The following DCBLD1 variants were observed in gnomAD, a reference collection of about 807,000 sequenced individuals.
The protein encoded by DCBLD1 is discoidin, CUB and LCCL domain containing 1, also known as discoidin, CUB and LCCL domain-containing protein 1.
In DCBLD1, 57 loss-of-function variants were observed where a neutral mutation model predicts 71.5. The observed-to-expected ratio is 0.80, with a 90% CI of 0.64 to 0.99. The LOEUF (loss-of-function observed/expected upper bound fraction) is 0.99, where lower values mean the gene tolerates loss of function less well. Ranked by LOEUF, DCBLD1 falls within the 50% of genes least tolerant of loss-of-function variation. DCBLD1 has a pLI of 0.00. For missense variants in DCBLD1, 891 were observed against 923.5 expected (o/e 0.96, Z 0.46); for synonymous variants, 380 against 363.8 (o/e 1.04, Z -0.51).
downstream of DCBLD1, among the ~76,000 whole-genome samples, chr6:117,550,645 T>A (rs1163032038): frequency 1.3e-5 from 2 of 152,178 alleles, no homozygotes. Context: ...TGTGAGAGAT[T>A]GTTTTGTGTT....
At chr6:117,534,653 G>A (rs1284923665) in intron 6 of DCBLD1, among the ~76,000 whole-genome samples, 2 of 151,924 alleles carry the variant, frequency 1.3e-5, no homozygotes, top group Non-Finnish European at 2.9e-5. Context: ...TCTTACTTTT[G>A]AACAAACATT....
At chr6:117,519,249 A>C (rs1028145039) in intron 2 of DCBLD1, among the ~76,000 whole-genome samples, 4 of 152,170 alleles carry the variant, frequency 2.6e-5, no homozygotes, top group Admixed American at 1.3e-4. Flanking sequence ...TTTGTACTAT[A>C]ATATTTCAAA....
chr6:117,521,252 A>G (rs141570347), intron 3 of DCBLD1, among the ~76,000 whole-genome samples: 1 of 152,258 alleles, frequency 6.6e-6, no homozygotes, highest in Admixed American at 6.5e-5. Context: ...ACTAAAGAGT[A>G]TTGTTTTTTT....
intron 14 of DCBLD1, among the ~76,000 whole-genome samples, chr6:117,568,226 G>A (rs539610383): frequency 2.6e-5 from 4 of 151,888 alleles, no homozygotes; most frequent in South Asian, 2.1e-4. Flanking sequence ...GTTACAGATC[G>A]TTTTATGTTA....
chr6:117,540,874 T>C (rs1194485534), intron 10 of DCBLD1, 44 bp from the exon 11 acceptor site: 1 of 1,613,890 alleles, frequency 6.2e-7, no homozygotes, highest in African/African-American at 1.3e-5. Context: ...TTTTCGCCTA[T>C]CATTGTTACT....
Position 117,548,861 on chromosome 6 carries a change from G to C in DCBLD1, c.*422G>C. On this transcript the variant is annotated 3_prime_UTR_variant, in exon 15 of 15. Coordinates refer to ENST00000338728, the MANE Select transcript of DCBLD1 (RefSeq NM_001366458.2). ...AGCTGTTGCAAAATGTATATAAATA[G>C]TATGTTCATTTTTTTCAGTATATTA... 4 of 1,023,226 alleles carry C rather than the reference G, an allele frequency of 3.9e-6. No homozygotes were observed. The highest frequency in any genetic ancestry group is 4.7e-6 in the Non-Finnish European group (4 of 853,332). 63.4% of individuals were successfully genotyped at this position (1,023,226 alleles called of 1,614,324 possible). A position where few individuals can be genotyped will look rare whatever the true frequency, so the allele number is the denominator to read the frequency against.
chr6:117,518,923 C>T (rs1778295525), intron 2 of DCBLD1, among the ~76,000 whole-genome samples: 1 of 152,132 alleles, frequency 6.6e-6, no homozygotes, highest in South Asian at 2.1e-4. Context: ...TTGGAGCAGT[C>T]TTTTTCTTTT....
intron 2 of DCBLD1, among the ~76,000 whole-genome samples, chr6:117,505,267 A>G (rs767891413): frequency 4.6e-5 from 7 of 152,152 alleles, no homozygotes; most frequent in Admixed American, 3.3e-4. Flanking sequence ...GGGAACATTT[A>G]TTGTTCCATT....
chr6:117,542,182 A>G (rs1045847805), intron 11 of DCBLD1, among the ~76,000 whole-genome samples: 41 of 151,844 alleles, frequency 2.7e-4, no homozygotes, highest in Non-Finnish European at 5.9e-5. Context: ...AGTCCCAGCT[A>G]CTCGGGAGGC....
rs1220552889 is a variant in DCBLD1 at position 117,482,704 on chromosome 6, GCGGCC to G, written c.-69_-65del. 3 of 1,097,094 alleles carry G rather than the reference GCGGCC, an allele frequency of 2.7e-6. No homozygotes were observed. The highest frequency in any genetic ancestry group is 5.2e-5 in the Admixed American group (1 of 19,378). 68.0% of individuals were successfully genotyped at this position (1,097,094 alleles called of 1,614,324 possible). A position where few individuals can be genotyped will look rare whatever the true frequency, so the allele number is the denominator to read the frequency against. On this transcript the variant is annotated 5_prime_UTR_variant, in exon 1 of 15. Coordinates refer to ENST00000338728, the MANE Select transcript of DCBLD1 (RefSeq NM_001366458.2). The stretch of plus-strand genomic sequence containing the variant: ...GGCGCCGCGCTCGTCCGCAGAGGAG[GCGGCC>G]CGGCCCGGGCAGCTGCGGCTCGGGA...
rs1048355414 is a variant in DCBLD1, at chr6:117,547,580, T to TGTG, written c.1616-326_1616-324dup. 1.3e-5 allele frequency: 8 copies of TGTG among 606,224 alleles called. No individual in the cohort carries two copies. In the African/African-American group the frequency reaches 1.5e-4, roughly 11 times the overall value. The allele number at this position is 606,224 out of a possible 1,614,324, so 37.6% of individuals were successfully genotyped here. On this transcript the variant is annotated intron_variant, in intron 14 of 14. Transcript: ENST00000338728. ...GCTGTTTTTTTCTCCATTTCCACAC[T>TGTG]GTGTGACTTCCACCTCCATAGCTTC...
Position 117,537,345 on chromosome 6 carries a change from T to C in DCBLD1, c.760+120T>C. The C allele has an allele frequency of 1.0e-5, 9 of 867,376 alleles. No homozygotes were observed. The South Asian group carries it at 1.2e-4, about 11-fold the overall frequency. The allele number at this position is 867,376 out of a possible 1,614,324, so 53.7% of individuals were successfully genotyped here. A position where few individuals can be genotyped will look rare whatever the true frequency, so the allele number is the denominator to read the frequency against. ...GTCAGGAGATCGAGACCATCCTGGCTAACACAGTGAAACCCCGTCTCTACT... is the reference window on the plus strand; with the variant it reads ...GTCAGGAGATCGAGACCATCCTGGCCAACACAGTGAAACCCCGTCTCTACT... On this transcript the variant is annotated intron_variant, in intron 7 of 14. Transcript: ENST00000338728.
Position 117,482,907 on chromosome 6 carries a change from G to A in DCBLD1, c.112+14G>A. 3 of 1,187,596 alleles carry A rather than the reference G, an allele frequency of 2.5e-6. No individual in the cohort carries two copies. Among genetic ancestry groups the A allele is most frequent in the Admixed American group, 4.2e-5 (1 of 23,888 alleles). 73.6% of individuals were successfully genotyped at this position (1,187,596 alleles called of 1,614,324 possible). A position where few individuals can be genotyped will look rare whatever the true frequency, so the allele number is the denominator to read the frequency against. The stretch of plus-strand genomic sequence containing the variant: ...CGGAGGAGCTGGGTGAGTGGAGCGC[G>A]TCCGGCTGGCGGCGGGACCCGAGGC... On this transcript the variant is annotated intron_variant, in intron 1 of 14. Transcript: ENST00000338728.
chr6:117,509,099 C>A (rs1421065843), intron 2 of DCBLD1, among the ~76,000 whole-genome samples: 1 of 152,162 alleles, frequency 6.6e-6, no homozygotes, highest in Admixed American at 6.5e-5. Context: ...TGACCTTGAG[C>A]AAATTATTTA....
intron 2 of DCBLD1, among the ~76,000 whole-genome samples, chr6:117,508,672 T>C (rs763453994): frequency 3.3e-5 from 5 of 152,172 alleles, no homozygotes; most frequent in Non-Finnish European, 5.9e-5. Flanking sequence ...CCACTGCCTG[T>C]AGGGACCTCA....
intron 3 of DCBLD1, among the ~76,000 whole-genome samples, chr6:117,520,750 A>G (rs1042906906): frequency 2.0e-5 from 3 of 152,216 alleles, no homozygotes; most frequent in African/African-American, 7.2e-5. Context: ...GCCTATGGTC[A>G]TAGAGGTTTC....
chr6:117,488,164 C>T (rs936704190), intron 1 of DCBLD1, among the ~76,000 whole-genome samples: 9 of 152,102 alleles, frequency 5.9e-5, no homozygotes, highest in African/African-American at 9.7e-5. Context: ...CTTCTTTCAC[C>T]GCTAGCACCC....
At chr6:117,496,649 T>G (rs1356756287) in intron 1 of DCBLD1, among the ~76,000 whole-genome samples, 1 of 152,066 alleles carries the variant, frequency 6.6e-6, no homozygotes, top group East Asian at 1.9e-4. Context: ...TGTTGTAACT[T>G]GAATATTAGA....
intron 5 of DCBLD1, among the ~76,000 whole-genome samples, chr6:117,531,259 C>G (rs562781360): frequency 2.0e-5 from 3 of 152,254 alleles, no homozygotes; most frequent in Admixed American, 1.3e-4. Context: ...CATGAGCTGC[C>G]TTTCTATGTT....
Sources: gnomAD v4.1 joint callset for allele counts (sites outside exome capture counted in the v4.1 genomes callset) on GRCh38, gnomAD v4.1.1 for gene constraint, MANE v1.5 for transcripts, NCBI Gene and HGNC (gene_info 2026-07-23, HGNC 2026-07-21) for gene names.